SLCO3A1: variants seen among roughly 807,000 people sequenced by gnomAD.
The protein encoded by SLCO3A1 is solute carrier organic anion transporter family member 3A1, also known as PGE1 transporter.
Under a neutral mutation model 63.1 loss-of-function variants are expected in SLCO3A1, and 27 were observed. The ratio of observed to expected loss-of-function variants is 0.43; its 90% confidence interval spans 0.32 to 0.59. The LOEUF is 0.59. Ranked by LOEUF, SLCO3A1 falls within the 20% of genes least tolerant of loss-of-function variation. The probability of loss-of-function intolerance (pLI) is 0.09; values close to 1 mark genes in which losing one functional copy is unlikely to be tolerated. For missense variants in SLCO3A1, 773 were observed against 945.8 expected (o/e 0.82, Z 2.40); for synonymous variants, 473 against 409.9 (o/e 1.15, Z -1.86).
intron 2 of SLCO3A1, among the ~76,000 whole-genome samples, chr15:91,966,174 G>T (rs1415636742): frequency 1.3e-5 from 2 of 152,142 alleles, no homozygotes; most frequent in African/African-American, 4.8e-5. Context: ...GACAGAAACA[G>T]GGGCCTCGGC....
At chr15:92,056,211 C>T (rs1470531941) in intron 2 of SLCO3A1, among the ~76,000 whole-genome samples, 1 of 152,160 alleles carries the variant, frequency 6.6e-6, no homozygotes, top group East Asian at 1.9e-4. Flanking sequence ...TTCGTAACCA[C>T]ATTTGTTCAG....
At chr15:92,170,970 A>T (rs2048517842) in intron 10 of SLCO3A1, 1 of 152,160 alleles carries the variant, frequency 6.6e-6, no homozygotes, top group Non-Finnish European at 1.5e-5. Context: ...GCCTTGTGAG[A>T]GTGAAGGAAG....
At chr15:92,001,070 C>T (rs1215047133) in intron 2 of SLCO3A1, among the ~76,000 whole-genome samples, 2 of 152,156 alleles carry the variant, frequency 1.3e-5, no homozygotes, top group Non-Finnish European at 2.9e-5. Flanking sequence ...AGCTTGCATA[C>T]CTCATTTTCA....
At chr15:91,866,925 T>C (rs78027599) in intron 1 of SLCO3A1, among the ~76,000 whole-genome samples, 3,637 of 152,172 alleles carry the variant, frequency 0.024, 123 homozygotes, top group East Asian at 0.076. Context: ...AAAATAATTT[T>C]CTCAACCTTG....
chr15:91,975,789 C>T (rs1243009235), intron 2 of SLCO3A1, among the ~76,000 whole-genome samples: 1 of 152,210 alleles, frequency 6.6e-6, no homozygotes, highest in East Asian at 1.9e-4. Context: ...CGCTCCAAGG[C>T]AGGCAAGAGG....
chr15:92,086,012 T>C (rs1319910484), intron 2 of SLCO3A1, among the ~76,000 whole-genome samples: 1 of 152,208 alleles, frequency 6.6e-6, no homozygotes, highest in Non-Finnish European at 1.5e-5. Flanking sequence ...GATCACAGTA[T>C]GTTTTTCTGT....
intron 2 of SLCO3A1, among the ~76,000 whole-genome samples, chr15:92,029,677 T>C (rs113099153): frequency 4.0e-5 from 6 of 149,994 alleles, no homozygotes; most frequent in African/African-American, 1.2e-4. Context: ...ATTTTTTTTT[T>C]CCCAAACACA....
At chr15:92,037,417 C>A (rs371942421) in intron 2 of SLCO3A1, among the ~76,000 whole-genome samples, 46 of 152,146 alleles carry the variant, frequency 3.0e-4, no homozygotes, top group African/African-American at 1.1e-3. Flanking sequence ...CAACCCAGAT[C>A]CCCGACTCTA....
At chr15:91,903,287 T>A (rs1237822664) in intron 1 of SLCO3A1, among the ~76,000 whole-genome samples, 1 of 152,200 alleles carries the variant, frequency 6.6e-6, no homozygotes. Flanking sequence ...CAGTGTGTTT[T>A]CCCTCCTAGC....
intron 1 of SLCO3A1, among the ~76,000 whole-genome samples, chr15:91,898,351 T>G (rs1185376560): frequency 2.0e-5 from 3 of 152,254 alleles, no homozygotes; most frequent in African/African-American, 7.2e-5. Context: ...CTAATATTTC[T>G]AATACTGTAT....
At chr15:92,000,562 A>G (rs116505859) in intron 2 of SLCO3A1, among the ~76,000 whole-genome samples, 186 of 152,288 alleles carry the variant, frequency 1.2e-3, no homozygotes, top group African/African-American at 4.1e-3. Context: ...TCAAAATAAT[A>G]AGAGACCTAA....
intron 2 of SLCO3A1, among the ~76,000 whole-genome samples, chr15:92,016,025 G>T (rs185312664): frequency 7.2e-5 from 11 of 152,292 alleles, no homozygotes; most frequent in Admixed American, 7.2e-4. Flanking sequence ...AAGGATTTCA[G>T]GATAGGGCAC....
At chr15:91,861,617 T>G (rs1897049803) in intron 1 of SLCO3A1, among the ~76,000 whole-genome samples, 1 of 152,192 alleles carries the variant, frequency 6.6e-6, no homozygotes, top group South Asian at 2.1e-4. Context: ...TAACATAGGC[T>G]GCCATAAGCC....
chr15:91,970,929 A>G (rs576031120), intron 2 of SLCO3A1, among the ~76,000 whole-genome samples: 17 of 152,136 alleles, frequency 1.1e-4, no homozygotes, highest in Admixed American at 2.6e-4. Flanking sequence ...TTAAATAGGT[A>G]TAGGCATATG....
At chr15:92,166,109 C>T (rs1024565655), downstream of SLCO3A1, among the ~76,000 whole-genome samples, 15 of 152,256 alleles carry the variant, frequency 9.9e-5, no homozygotes, top group African/African-American at 3.6e-4. Flanking sequence ...GAAGTAAGCA[C>T]ATTTTGCAAA....
intron 1 of SLCO3A1, chr15:91,889,232 A>G (rs1567172666): frequency 2.5e-6 from 3 of 1,179,276 alleles, no homozygotes; most frequent in Admixed American, 4.6e-5. Flanking sequence ...TTGCCAGGAA[A>G]GGACTGTGGG....
intron 3 of SLCO3A1, chr15:92,097,827 G>T: frequency 6.6e-6 from 1 of 152,310 alleles, no homozygotes; most frequent in Non-Finnish European, 1.5e-5. Context: ...TTCTATAGTT[G>T]CCAGCAGTTT....
At chr15:91,975,030 A>T (rs1450997083) in intron 2 of SLCO3A1, among the ~76,000 whole-genome samples, 1 of 152,192 alleles carries the variant, frequency 6.6e-6, no homozygotes, top group African/African-American at 2.4e-5. Context: ...TAAAATGAGT[A>T]GAATAAGTGT....
intron 2 of SLCO3A1, among the ~76,000 whole-genome samples, chr15:92,088,689 C>T (rs537124067): frequency 1.2e-4 from 18 of 152,306 alleles, no homozygotes; most frequent in African/African-American, 4.3e-4. Flanking sequence ...AGCTTTGGCT[C>T]ATGGCCATCC....
Sources: gnomAD v4.1 joint callset for allele counts (sites outside exome capture counted in the v4.1 genomes callset) on GRCh38, gnomAD v4.1.1 for gene constraint, MANE v1.5 for transcripts, NCBI Gene and HGNC (gene_info 2026-07-23, HGNC 2026-07-21) for gene names.